CLEC1A: variants seen among roughly 807,000 people sequenced by gnomAD.
CLEC1A encodes the protein C-type lectin domain family 1 member A.
CLEC1A carries 34 observed loss-of-function variants against 28.7 expected under a neutral mutation model. The observed-to-expected ratio is 1.18, with a 90% CI of 0.90 to 1.57. CLEC1A has a LOEUF of 1.57. Among genes scored for constraint, CLEC1A ranks in the 40% most tolerant of loss-of-function variants. The pLI is 0.00. For missense variants in CLEC1A, 385 were observed against 339.5 expected, an observed-to-expected ratio of 1.13 and a Z score of -1.05; for synonymous variants, 116 against 121.0, an observed-to-expected ratio of 0.96 and a Z score of 0.27.
In CLEC1A at chr12:10,071,055, G is replaced by T. The variant is rs572978432; in HGVS notation, c.*278C>A. The T allele has an allele frequency of 7.9e-6, 2 of 252,318 alleles. No individual in the cohort carries two copies. The highest frequency in any genetic ancestry group is 4.4e-5 in the African/African-American group (2 of 45,002). The allele number at this position is 252,318 out of a possible 1,614,324, so 15.6% of individuals were successfully genotyped here. On this transcript the variant is annotated 3_prime_UTR_variant, in exon 6 of 6. Coordinates refer to ENST00000315330, the MANE Select transcript of CLEC1A (RefSeq NM_016511.4). Reference sequence around the variant, plus strand: ...GGTGATATTAGACATTGAGAAGAAAGAGAGCTAAAAGTTATCTCTAAGCCA... The same window carrying T: ...GGTGATATTAGACATTGAGAAGAAATAGAGCTAAAAGTTATCTCTAAGCCA...
intron 1 of CLEC1A, among the ~76,000 whole-genome samples, chr12:10,093,160 A>G (rs1376827496): frequency 6.6e-6 from 1 of 152,074 alleles, no homozygotes; most frequent in African/African-American, 2.4e-5. Context: ...AATCATACTG[A>G]AGTCTCTCTC....
Position 10,092,366 on chromosome 12 carries a change from G to A in CLEC1A, c.116-3144C>T, listed in dbSNP as rs1947717954. 1.5e-5 allele frequency: 5 copies of A among 335,994 alleles called. 1 individual carries two copies. Among genetic ancestry groups the A allele is most frequent in the South Asian group, 8.8e-5 (4 of 45,602 alleles). The allele number at this position is 335,994 out of a possible 1,614,324, so 20.8% of individuals were successfully genotyped here. A position where few individuals can be genotyped will look rare whatever the true frequency, so the allele number is the denominator to read the frequency against. On this transcript the variant is annotated intron_variant, in intron 1 of 5. Transcript: ENST00000315330. The stretch of plus-strand genomic sequence containing the variant: ...TCTCTACAAAAGATAGCAACATAGT[G>A]AGACCCCCATCTCTATAAAAAATTT...
At chr12:10,083,553 G>A (rs1485619632) in intron 2 of CLEC1A, among the ~76,000 whole-genome samples, 1 of 152,098 alleles carries the variant, frequency 6.6e-6, no homozygotes, top group Admixed American at 6.5e-5. Flanking sequence ...ACTGCAACCT[G>A]GATCTACCTC....
chr12:10,083,401 T>C (rs1866410876), intron 2 of CLEC1A, among the ~76,000 whole-genome samples: 1 of 152,092 alleles, frequency 6.6e-6, no homozygotes, highest in Non-Finnish European at 1.5e-5. Context: ...ATTCAGAAGG[T>C]TGATTATTAA....
chr12:10,089,272 A>T, intron 1 of CLEC1A, 50 bp from the exon 2 acceptor site: 1 of 1,456,224 alleles, frequency 6.9e-7, no homozygotes, highest in Non-Finnish European at 9.6e-7. Flanking sequence ...TTCCTCTTGC[A>T]TCTAAGTCAA....
chr12:10,077,320 T>C (rs959193619), intron 3 of CLEC1A, among the ~76,000 whole-genome samples: 1 of 152,162 alleles, frequency 6.6e-6, no homozygotes, highest in Admixed American at 6.5e-5. Context: ...TATATACATA[T>C]AGATATAGGT....
At chr12:10,079,941 A>G (rs1414462038) in intron 3 of CLEC1A, among the ~76,000 whole-genome samples, 1 of 152,142 alleles carries the variant, frequency 6.6e-6, no homozygotes, top group Non-Finnish European at 1.5e-5. Context: ...TCAGCCTGTC[A>G]AGTAGTGGAT....
rs1866092303 is a variant in CLEC1A, at chr12:10,070,022, C to A, written c.*1311G>T. 6.6e-6 allele frequency: 1 copy of A among 152,136 alleles called. No homozygotes were observed. Among genetic ancestry groups the A allele is most frequent in the Admixed American group, 6.5e-5 (1 of 15,270 alleles). The allele number at this position is 152,136 out of a possible 1,614,324, so 9.4% of individuals were successfully genotyped here. A position where few individuals can be genotyped will look rare whatever the true frequency, so the allele number is the denominator to read the frequency against. On this transcript the variant is annotated 3_prime_UTR_variant, in exon 6 of 6. Coordinates refer to ENST00000315330, the MANE Select transcript of CLEC1A (RefSeq NM_016511.4). ...ATGTTATCTTTTCTAGCATAAAACCCTCAAAATTGATTTATCAGTAAACCA... is the reference window on the plus strand; with the variant it reads ...ATGTTATCTTTTCTAGCATAAAACCATCAAAATTGATTTATCAGTAAACCA...
chr12:10,086,156 C>A (rs1033423788), intron 2 of CLEC1A, among the ~76,000 whole-genome samples: 8 of 152,076 alleles, frequency 5.3e-5, no homozygotes, highest in African/African-American at 1.9e-4. Context: ...ATTGGTGACA[C>A]AACTTATGAA....
At chr12:10,087,012 C>G (rs1866507550) in intron 2 of CLEC1A, among the ~76,000 whole-genome samples, 1 of 151,892 alleles carries the variant, frequency 6.6e-6, no homozygotes, top group African/African-American at 2.4e-5. Context: ...TCGAGACCAG[C>G]CTGACCAACA....
chr12:10,082,397 C>T (rs1453412810), intron 2 of CLEC1A, among the ~76,000 whole-genome samples: 1 of 152,148 alleles, frequency 6.6e-6, no homozygotes, highest in East Asian at 1.9e-4. Flanking sequence ...CTGGGTAAGG[C>T]CTATCACTGC....
Position 10,098,807 on chromosome 12 carries a change from C to G in CLEC1A, c.115+1G>C. On this transcript the variant is annotated splice_donor_variant, in intron 1 of 5. Transcript: ENST00000315330. LOFTEE classifies it high-confidence loss of function. ...TATTTGGACTCCAGGAGACAGGGTA[C>G]CTGTGCGCCGGGGCTCTGGATGCCG... 6.2e-7 allele frequency: 1 copy of G among 1,607,878 alleles called. No homozygotes were observed. Among genetic ancestry groups the G allele is most frequent in the Non-Finnish European group, 8.5e-7 (1 of 1,175,676 alleles).
At chr12:10,081,128 G>A in intron 3 of CLEC1A, 109 bp downstream of exon 3, 1 of 960,628 alleles carries the variant, frequency 1.0e-6, no homozygotes, top group Non-Finnish European at 1.5e-6. Context: ...CCCTTTTTCA[G>A]TTTGCCAGAC....
intron 2 of CLEC1A, among the ~76,000 whole-genome samples, chr12:10,088,028 A>G (rs1866536662): frequency 6.6e-6 from 1 of 152,128 alleles, no homozygotes; most frequent in African/African-American, 2.4e-5. Flanking sequence ...TATATTGAGT[A>G]TTGACAATAT....
At chr12:10,085,138 G>A (rs1866458504) in intron 2 of CLEC1A, among the ~76,000 whole-genome samples, 1 of 149,246 alleles carries the variant, frequency 6.7e-6, no homozygotes, top group African/African-American at 2.5e-5. Flanking sequence ...CAGAATCTCA[G>A]AATACACCAA....
intron 5 of CLEC1A, 79 bp from the exon 6 acceptor site, chr12:10,071,592 T>G (rs1289266296): frequency 6.3e-5 from 74 of 1,177,952 alleles, no homozygotes; most frequent in Non-Finnish European, 8.3e-5. Context: ...CTTTCTAGAG[T>G]TATAAAATTA....
In CLEC1A at chr12:10,070,637, C is replaced by G. The variant is rs749232859; in HGVS notation, c.*696G>C. Reference sequence around the variant, plus strand: ...ATCTCTCTGAAGGGAATATCGGGGACGGTAGTTCTGATATGAAACGGAGAT... The same window carrying G: ...ATCTCTCTGAAGGGAATATCGGGGAGGGTAGTTCTGATATGAAACGGAGAT... On this transcript the variant is annotated 3_prime_UTR_variant, in exon 6 of 6. Coordinates refer to ENST00000315330, the MANE Select transcript of CLEC1A (RefSeq NM_016511.4). 2 of 152,094 alleles carry G rather than the reference C, an allele frequency of 1.3e-5. No individual in the cohort carries two copies. The highest frequency in any genetic ancestry group is 2.9e-5 in the Non-Finnish European group (2 of 68,024). 9.4% of individuals were successfully genotyped at this position (152,094 alleles called of 1,614,324 possible). A position where few individuals can be genotyped will look rare whatever the true frequency, so the allele number is the denominator to read the frequency against.
At chr12:10,083,853 C>T (rs1866421539) in intron 2 of CLEC1A, among the ~76,000 whole-genome samples, 1 of 152,028 alleles carries the variant, frequency 6.6e-6, no homozygotes, top group Admixed American at 6.6e-5. Flanking sequence ...AAAAAACAAT[C>T]ACAACTTCTG....
intron 1 of CLEC1A, 106 bp downstream of exon 1, chr12:10,098,702 T>C: frequency 2.9e-6 from 2 of 694,058 alleles, no homozygotes; most frequent in Non-Finnish European, 4.7e-6. Context: ...TAATTGGAAA[T>C]AAAATTATAA....
Sources: gnomAD v4.1 joint callset for allele counts (sites outside exome capture counted in the v4.1 genomes callset) on GRCh38, gnomAD v4.1.1 for gene constraint, MANE v1.5 for transcripts, NCBI Gene and HGNC (gene_info 2026-07-23, HGNC 2026-07-21) for gene names.